The following RAB27A variants were observed in gnomAD, a reference collection of about 807,000 sequenced individuals.
RAB27A encodes ras-related protein Rab-27A.
A neutral mutation model predicts 20.8 loss-of-function variants in RAB27A; 17 were observed. The ratio of observed to expected loss-of-function variants is 0.82; its 90% CI spans 0.56 to 1.23. The LOEUF (loss-of-function observed/expected upper bound fraction) is 1.23. RAB27A is among the 50% of genes most tolerant of loss of function. The pLI is 0.00. For missense variants in RAB27A, 277 were observed against 266.7 expected (o/e 1.04, Z -0.27); for synonymous variants, 85 against 92.8 (o/e 0.92, Z 0.48).
chr15:55,314,061 G>C (rs947831773), exon 2 of RAB27A: 4 of 152,902 alleles, frequency 2.6e-5, no homozygotes, highest in African/African-American at 9.7e-5. Context: ...CTGCTCGGGA[G>C]GCTGAGGCAG....
chr15:55,292,723 T>C (rs1326083264), upstream of RAB27A, among the ~76,000 whole-genome samples: 1 of 152,186 alleles, frequency 6.6e-6, no homozygotes, highest in Non-Finnish European at 1.5e-5. Flanking sequence ...ACCAACAGAA[T>C]ATCCAAGTGA....
intron 6 of RAB27A, among the ~76,000 whole-genome samples, chr15:55,215,484 C>G (rs1406838236): frequency 2.7e-5 from 4 of 150,278 alleles, no homozygotes; most frequent in South Asian, 2.1e-4. Context: ...AACCCCGTCT[C>G]TACTAAAAAT....
At chr15:55,237,145 C>T (rs890196290) in intron 2 of RAB27A, among the ~76,000 whole-genome samples, 30 of 152,286 alleles carry the variant, frequency 2.0e-4, no homozygotes, top group African/African-American at 6.0e-4. Flanking sequence ...TACTGACTCC[C>T]GGCGTTATCC....
intron 2 of RAB27A, among the ~76,000 whole-genome samples, chr15:55,265,366 C>G (rs1186770763): frequency 9.2e-5 from 14 of 152,030 alleles, no homozygotes; most frequent in African/African-American, 2.9e-4. Flanking sequence ...AGGAGGGAAT[C>G]AGAAAAACTT....
At chr15:55,216,868 G>A (rs1044133395) in intron 6 of RAB27A, among the ~76,000 whole-genome samples, 1 of 152,132 alleles carries the variant, frequency 6.6e-6, no homozygotes, top group South Asian at 2.1e-4. Flanking sequence ...CAATCTTCAT[G>A]AAATGCTGGA....
At chr15:55,280,669 CCT>C (rs986134644) in intron 1 of RAB27A, among the ~76,000 whole-genome samples, 3 of 151,870 alleles carry the variant, frequency 2.0e-5, no homozygotes, top group African/African-American at 4.8e-5. Context: ...GTCCCCACCC[CCT>C]GAGAGGCCCC....
intron 5 of RAB27A, among the ~76,000 whole-genome samples, chr15:55,227,963 T>G (rs1895875855): frequency 6.6e-6 from 1 of 152,252 alleles, no homozygotes; most frequent in Non-Finnish European, 1.5e-5. Flanking sequence ...AAAGCTGTTA[T>G]GCAGTCAAGT....
intron 5 of RAB27A, among the ~76,000 whole-genome samples, chr15:55,227,230 T>C (rs2140968913): frequency 6.6e-6 from 1 of 152,378 alleles, no homozygotes; most frequent in African/African-American, 2.4e-5. Flanking sequence ...ATTTATCTAA[T>C]GTCTCAGAGT....
chr15:55,244,753 C>T (rs1566917178), intron 2 of RAB27A, among the ~76,000 whole-genome samples: 1 of 152,136 alleles, frequency 6.6e-6, no homozygotes, highest in Non-Finnish European at 1.5e-5. Flanking sequence ...TAGCACAGAA[C>T]ATCAGCATTT....
At chr15:55,234,561 A>C (rs1235947625) in intron 3 of RAB27A, among the ~76,000 whole-genome samples, 2 of 152,196 alleles carry the variant, frequency 1.3e-5, no homozygotes, top group African/African-American at 4.8e-5. Context: ...TGACATTTTA[A>C]AGAACTGTCC....
At chr15:55,269,647 A>G (rs1897638647) in intron 2 of RAB27A, 1 of 152,192 alleles carries the variant, frequency 6.6e-6, no homozygotes, top group African/African-American at 2.4e-5. Flanking sequence ...ATGCTGAGGC[A>G]GGAGAATCAC....
intron 2 of RAB27A, among the ~76,000 whole-genome samples, chr15:55,299,826 C>CTT (rs1189966751): frequency 1.8e-3 from 256 of 142,514 alleles, no homozygotes; most frequent in Non-Finnish European, 2.8e-3. Context: ...CTTTTTTTTT[C>CTT]TTTTTTTTTT....
rs1894885106 is a variant in RAB27A, at chr15:55,209,924, A to G, written c.468-4219T>C. On this transcript the variant is annotated intron_variant, in intron 6 of 6. Coordinates refer to ENST00000336787, the MANE Select transcript of RAB27A (RefSeq NM_183235.3). ...CATATGTGTGTGTATGTATATACACACATATATGTATGTACATGTACACAC... is the reference window on the plus strand; with the variant it reads ...CATATGTGTGTGTATGTATATACACGCATATATGTATGTACATGTACACAC... Among the ~76,000 whole-genome samples, 14 of 122,546 alleles carry G rather than the reference A, an allele frequency of 1.1e-4. 1 individual carries two copies. The highest frequency in any genetic ancestry group is 7.0e-4 in the South Asian group (3 of 4,276). The allele number at this position is 122,546 out of a possible 152,430, so 80.4% of individuals were successfully genotyped here.
rs958448711 is a variant in RAB27A, at chr15:55,273,136, G to C, written c.-142-2852C>G. Among the ~76,000 whole-genome samples the C allele has an allele frequency of 7.3e-4, 111 of 152,286 alleles. 1 individual carries two copies. The highest frequency in any genetic ancestry group is 2.5e-3 in the African/African-American group (102 of 41,558). On this transcript the variant is annotated intron_variant, in intron 1 of 6. Coordinates refer to ENST00000336787, the MANE Select transcript of RAB27A (RefSeq NM_183235.3). ...CTGAAAGACATAGAGGTTGGGCACG[G>C]TGGCTCAAGCCTGTAATCCTAGCAC...
intron 6 of RAB27A, among the ~76,000 whole-genome samples, chr15:55,211,162 C>A (rs1377748318): frequency 6.6e-6 from 1 of 152,130 alleles, no homozygotes; most frequent in Non-Finnish European, 1.5e-5. Flanking sequence ...GTTCCTATAG[C>A]TTTGTAGTAA....
intron 1 of RAB27A, among the ~76,000 whole-genome samples, chr15:55,276,316 T>C (rs2141111450): frequency 6.6e-6 from 1 of 152,262 alleles, no homozygotes; most frequent in South Asian, 2.1e-4. Flanking sequence ...CCTGTGACAA[T>C]ACAGATAGGT....
At chr15:55,257,966 C>G (rs1897139954) in intron 2 of RAB27A, among the ~76,000 whole-genome samples, 2 of 151,158 alleles carry the variant, frequency 1.3e-5, no homozygotes, top group South Asian at 4.2e-4. Context: ...GCACTCCAGG[C>G]TGAGGCACGA....
chr15:55,221,748 C>T (rs951508442), intron 6 of RAB27A, among the ~76,000 whole-genome samples: 6 of 152,074 alleles, frequency 3.9e-5, no homozygotes, highest in East Asian at 3.8e-4. Flanking sequence ...CATATATTGT[C>T]GCTTATCTGC....
chr15:55,253,996 T>C (rs191311623), intron 2 of RAB27A, among the ~76,000 whole-genome samples: 1 of 152,264 alleles, frequency 6.6e-6, no homozygotes, highest in East Asian at 1.9e-4. Context: ...CAAGTAACAG[T>C]ACACTTAATT....
Sources: allele counts gnomAD v4.1 joint callset (sites outside exome capture counted in the v4.1 genomes callset), GRCh38; gene constraint gnomAD v4.1.1; transcripts MANE v1.5; gene names NCBI Gene and HGNC (gene_info 2026-07-23, HGNC 2026-07-21).